KIF5C: variants seen among roughly 807,000 people sequenced by gnomAD.
The protein encoded by KIF5C is kinesin family member 5C.
Under a neutral mutation model 125.2 loss-of-function variants are expected in KIF5C, and 18 were observed. The ratio of observed to expected loss-of-function variants is 0.14; its 90% CI spans 0.10 to 0.21. The LOEUF (loss-of-function observed/expected upper bound fraction) is 0.21. Among genes scored for constraint, KIF5C ranks in the 10% least tolerant of loss-of-function variants. The pLI is 1.00. For missense variants in KIF5C, 780 were observed against 1,183.8 expected (o/e 0.66, Z 5.01); for synonymous variants, 405 against 434.0 (o/e 0.93, Z 0.83).
chr2:148,966,407 G>T (rs978716934), intron 11 of KIF5C, among the ~76,000 whole-genome samples: 2 of 151,912 alleles, frequency 1.3e-5, no homozygotes, highest in Admixed American at 1.3e-4. Flanking sequence ...CTGTTACATA[G>T]AATGAAGTAA....
Position 148,997,266 on chromosome 2 carries a change from A to C in KIF5C, c.2026A>C (p.Lys676Gln). Residue 676 changes from lysine to glutamine, a missense_variant and splice_region_variant, in exon 18 of 26, where the codon AAA (lysine) becomes CAA (glutamine). Transcript: ENST00000435030. ...EELAKLRAQE[K>Q]MHEVSFQDKE... The stretch of plus-strand genomic sequence containing the variant: ...TCATCATTTAAAATTCAAAACAGAA[A>C]AAATGCACGAAGTCAGCTTCCAGGA... 1 of 1,611,388 alleles carries C rather than the reference A, an allele frequency of 6.2e-7. No individual in the cohort carries two copies. Among genetic ancestry groups the C allele is most frequent in the Non-Finnish European group, 8.5e-7 (1 of 1,177,676 alleles).
At chr2:148,994,729 G>A (rs1444405014) in intron 17 of KIF5C, among the ~76,000 whole-genome samples, 191 bp downstream of exon 17, 2 of 150,918 alleles carry the variant, frequency 1.3e-5, no homozygotes, top group South Asian at 4.2e-4. Flanking sequence ...TTAAGATGGA[G>A]TCTCGCTCTG....
chr2:148,943,000 C>T (rs572723092), intron 7 of KIF5C, among the ~76,000 whole-genome samples: 1 of 152,128 alleles, frequency 6.6e-6, no homozygotes, highest in Non-Finnish European at 1.5e-5. Flanking sequence ...GTGAGACTTA[C>T]TGGACCCTGA....
At chr2:148,973,294 C>G in intron 11 of KIF5C, 42 bp from the exon 12 acceptor site, 1 of 1,577,912 alleles carries the variant, frequency 6.3e-7, no homozygotes. Context: ...GTTGCATACT[C>G]AATTTCTTTA....
intron 3 of KIF5C, among the ~76,000 whole-genome samples, chr2:148,930,708 ACT>A (rs1682160129): frequency 1.3e-5 from 2 of 151,948 alleles, no homozygotes; most frequent in Admixed American, 1.3e-4. Context: ...TGCGGTGTTG[ACT>A]CTCTTTCACC....
chr2:148,891,453 A>T (rs1681705292), intron 1 of KIF5C, among the ~76,000 whole-genome samples: 1 of 152,088 alleles, frequency 6.6e-6, no homozygotes, highest in Admixed American at 6.5e-5. Flanking sequence ...TCTAGGCATT[A>T]ATGTGTGCAC....
In KIF5C at chr2:149,010,314, C is replaced by G. The variant is rs370959085; in HGVS notation, c.2730C>G (p.Ala910=). 4.5e-5 allele frequency: 71 copies of G among 1,593,208 alleles called. 1 individual carries two copies. The South Asian group carries it at 6.5e-4, about 15-fold the overall frequency. Residue 910 remains alanine (A), a synonymous_variant, in exon 24 of 26, where the codon GCC becomes GCG. Coordinates refer to ENST00000435030, the MANE Select transcript of KIF5C (RefSeq NM_004522.3). ...EVDRIKEAVR[A]KNMARRAHSA... is the part of the protein sequence containing the mutation. ...ATCGTATCAAGGAGGCCGTGCGGGC[C>G]AAGAACATGGCCAGAAGGGCCCATT...
intron 19 of KIF5C, chr2:148,998,727 C>T: frequency 1.5e-6 from 1 of 676,922 alleles, no homozygotes; most frequent in Non-Finnish European, 2.4e-6. Flanking sequence ...GGCAGGCGGG[C>T]CCAGCTGCCT....
intron 1 of KIF5C, among the ~76,000 whole-genome samples, chr2:148,909,129 A>G (rs146707980): frequency 2.3e-4 from 35 of 152,362 alleles, no homozygotes; most frequent in African/African-American, 8.2e-4. Context: ...TTACACATGT[A>G]TGTGCTACCG....
At chr2:148,987,794 A>G (rs541061690) in intron 15 of KIF5C, among the ~76,000 whole-genome samples, 1 of 152,278 alleles carries the variant, frequency 6.6e-6, no homozygotes, top group South Asian at 2.1e-4. Flanking sequence ...ACTGAATTGG[A>G]CTGGCTGCCT....
intron 11 of KIF5C, among the ~76,000 whole-genome samples, chr2:148,963,821 G>A (rs1323072854): frequency 1.3e-5 from 2 of 152,088 alleles, no homozygotes; most frequent in Non-Finnish European, 2.9e-5. Context: ...TGCATCTCTT[G>A]CCAAACTTTA....
At chr2:148,912,252 T>C (rs992549077) in intron 1 of KIF5C, among the ~76,000 whole-genome samples, 2 of 152,248 alleles carry the variant, frequency 1.3e-5, no homozygotes, top group Non-Finnish European at 2.9e-5. Flanking sequence ...ATTCCACATG[T>C]GTGTGGCCAC....
At chr2:148,880,620 A>T (rs1024583641) in intron 1 of KIF5C, among the ~76,000 whole-genome samples, 4 of 152,238 alleles carry the variant, frequency 2.6e-5, no homozygotes, top group Admixed American at 2.6e-4. Context: ...ATTTCCATCT[A>T]AAAGCAGTAA....
chr2:148,913,348 A>G lies in KIF5C; in HGVS notation c.127-8789A>G, dbSNP rs191825500. 2.1e-4 allele frequency among the ~76,000 whole-genome samples: 32 copies of G among 152,294 alleles called. No homozygotes were observed. In the East Asian group the frequency reaches 6.0e-3, roughly 28 times the overall value. ...GTTATTCTCCATTCCCAGAAAGTGA[A>G]GTTGATATTCTTGTCTGACCCCCAA... On this transcript the variant is annotated intron_variant, in intron 1 of 25. Transcript: ENST00000435030.
intron 12 of KIF5C, among the ~76,000 whole-genome samples, chr2:148,975,193 G>A (rs935884971): frequency 1.3e-5 from 2 of 152,200 alleles, no homozygotes; most frequent in Admixed American, 6.5e-5. Context: ...GAGCCTAGAA[G>A]CCTCAGCCTT....
intron 18 of KIF5C, chr2:148,998,124 C>G: frequency 2.2e-6 from 1 of 451,342 alleles, no homozygotes; most frequent in Admixed American, 3.4e-5. Flanking sequence ...TGGAGAAGCT[C>G]AGGCTGGGCT....
chr2:149,015,818 A>G (rs1682342107), intron 25 of KIF5C, among the ~76,000 whole-genome samples: 1 of 152,194 alleles, frequency 6.6e-6, no homozygotes, highest in African/African-American at 2.4e-5. Flanking sequence ...GGGATCAGGC[A>G]TTGAGAGCCT....
intron 24 of KIF5C, 110 bp from the exon 25 acceptor site, chr2:149,011,460 T>G: frequency 7.0e-7 from 1 of 1,434,330 alleles, no homozygotes; most frequent in Non-Finnish European, 9.4e-7. Flanking sequence ...AATTGTACTG[T>G]TGGTAAGAAT....
chr2:148,889,427 C>T, intron 1 of KIF5C, among the ~76,000 whole-genome samples: 1 of 152,126 alleles, frequency 6.6e-6, no homozygotes, highest in East Asian at 1.9e-4. Context: ...GTCTCCTGGG[C>T]TATATAGAGG....
Sources: gnomAD v4.1 joint callset for allele counts (sites outside exome capture counted in the v4.1 genomes callset) on GRCh38, gnomAD v4.1.1 for gene constraint, MANE v1.5 for transcripts, NCBI Gene and HGNC (gene_info 2026-07-23, HGNC 2026-07-21) for gene names.